The following CSE1L variants were observed in gnomAD, a reference collection of about 807,000 sequenced individuals.
CSE1L encodes chromosome segregation 1 like.
In CSE1L, 24 loss-of-function variants were observed where a neutral mutation model predicts 120.4. The observed-to-expected ratio is 0.20, with a 90% CI of 0.14 to 0.28. The LOEUF (loss-of-function observed/expected upper bound fraction) is 0.28. Ranked by LOEUF, CSE1L falls within the 10% of genes least tolerant of loss-of-function variation. CSE1L has a pLI of 1.00. For synonymous variants in CSE1L, 402 were observed against 398.3 expected (o/e 1.01, Z -0.11); for missense variants, 830 against 1,145.2 (o/e 0.72, Z 3.97).
In CSE1L at chr20:49,075,451, C is replaced by T. The variant is rs373272778; in HGVS notation, c.1266C>T (p.Val422=). 4.3e-6 allele frequency: 7 copies of T among 1,614,070 alleles called. No individual in the cohort carries two copies. Among genetic ancestry groups the T allele is most frequent in the East Asian group, 4.5e-5 (2 of 44,880 alleles). ...MLQEYAKNPS[V]NWKHKDAAIY... is the part of the protein sequence containing the mutation. The stretch of plus-strand genomic sequence containing the variant: ...AGGAATACGCAAAAAATCCATCTGT[C>T]AACTGGAAACACAAAGATGCAGCCA... The change falls in exon 12 of 25, where the codon GTC becomes GTT. Residue 422 remains valine, a synonymous_variant. Coordinates refer to ENST00000262982, the MANE Select transcript of CSE1L (RefSeq NM_001316.4).
At chr20:49,067,928 C>CTT (rs10567768) in intron 6 of CSE1L, among the ~76,000 whole-genome samples, 1,989 of 78,476 alleles carry the variant, frequency 0.025, 36 homozygotes, top group Non-Finnish European at 0.032. Flanking sequence ...TTCCCTCTCT[C>CTT]TTTTTTTTTT....
At chr20:49,073,549 A>G (rs191563857) in intron 10 of CSE1L, among the ~76,000 whole-genome samples, 88 of 152,226 alleles carry the variant, frequency 5.8e-4, no homozygotes, top group African/African-American at 2.0e-3. Flanking sequence ...GCAGTAGCAC[A>G]GTTATGGCTT....
intron 2 of CSE1L, among the ~76,000 whole-genome samples, chr20:49,060,528 C>A (rs1376341531): frequency 6.6e-6 from 1 of 151,402 alleles, no homozygotes; most frequent in Admixed American, 6.6e-5. Flanking sequence ...GTAATCCCAG[C>A]ACTTTGGGAA....
chr20:49,048,730 G>A (rs889092768), intron 1 of CSE1L, among the ~76,000 whole-genome samples: 1 of 152,220 alleles, frequency 6.6e-6, no homozygotes, highest in Non-Finnish European at 1.5e-5. Flanking sequence ...TGTAGGCAAT[G>A]TAAGGAGTTT....
At chr20:49,087,351 C>CTTTTTTTTTTTTTT (rs11483071) in intron 16 of CSE1L, among the ~76,000 whole-genome samples, 3 of 116,294 alleles carry the variant, frequency 2.6e-5, no homozygotes, top group African/African-American at 6.6e-5. Context: ...TTTTCTTTTT[C>CTTTTTTTTTTTTTT]TTTTTTTTTT....
At chr20:49,066,861 T>A (rs915774241) in intron 5 of CSE1L, among the ~76,000 whole-genome samples, 2 of 151,512 alleles carry the variant, frequency 1.3e-5, no homozygotes, top group African/African-American at 4.8e-5. Flanking sequence ...AAACCCCGTC[T>A]CTACTAAAAA....
intron 14 of CSE1L, among the ~76,000 whole-genome samples, chr20:49,083,053 C>G (rs1490500024): frequency 6.7e-6 from 1 of 148,666 alleles, no homozygotes; most frequent in Non-Finnish European, 1.5e-5. Context: ...GAGATGGAGT[C>G]TTGCTCTGTT....
chr20:49,075,607 G>A, intron 12 of CSE1L, 87 bp downstream of exon 12: 3 of 1,012,746 alleles, frequency 3.0e-6, no homozygotes, highest in Non-Finnish European at 4.5e-6. Flanking sequence ...TCTGATAATA[G>A]AGCTTACTCT....
At chr20:49,083,951 C>T in intron 14 of CSE1L, 75 bp from the exon 15 acceptor site, 2 of 1,429,768 alleles carry the variant, frequency 1.4e-6, no homozygotes, top group East Asian at 2.3e-5. Flanking sequence ...ATCAACAGGT[C>T]CTTCTCTTCC....
At chr20:49,066,319 G>A (rs376007852) in intron 4 of CSE1L, 26 bp downstream of exon 4, 2 of 1,613,992 alleles carry the variant, frequency 1.2e-6, no homozygotes, top group East Asian at 4.5e-5. Context: ...TTTTTAGATG[G>A]GCTCCTCTGT....
chr20:49,073,499 T>A (rs2091947055), intron 10 of CSE1L, among the ~76,000 whole-genome samples: 1 of 149,940 alleles, frequency 6.7e-6, no homozygotes, highest in South Asian at 2.1e-4. Context: ...GTGTTTTTTG[T>A]TTTGGGGACA....
chr20:49,057,171 T>C (rs1233611291), intron 1 of CSE1L, among the ~76,000 whole-genome samples: 1 of 152,144 alleles, frequency 6.6e-6, no homozygotes, highest in East Asian at 1.9e-4. Flanking sequence ...ACAAAATTTT[T>C]TTTTTAATTT....
At chr20:49,096,180 A>G (rs1274413044) in intron 24 of CSE1L, 169 bp from the exon 25 acceptor site, 2 of 708,942 alleles carry the variant, frequency 2.8e-6, no homozygotes, top group East Asian at 2.7e-5. Context: ...CTTTAGACCT[A>G]TTTTTGAAGG....
At chr20:49,095,907 AT>A (rs1455749917) in intron 24 of CSE1L, among the ~76,000 whole-genome samples, 1 of 151,986 alleles carries the variant, frequency 6.6e-6, no homozygotes, top group Non-Finnish European at 1.5e-5. Context: ...ATGTATATAT[AT>A]TTTTTCATTG....
At chr20:49,055,441 G>C (rs965992483) in intron 1 of CSE1L, among the ~76,000 whole-genome samples, 1 of 152,170 alleles carries the variant, frequency 6.6e-6, no homozygotes, top group African/African-American at 2.4e-5. Flanking sequence ...ATGGGTCCCG[G>C]TATGGTGGGT....
chr20:49,048,860 C>T (rs984160229), intron 1 of CSE1L, among the ~76,000 whole-genome samples: 1 of 152,184 alleles, frequency 6.6e-6, no homozygotes, highest in Non-Finnish European at 1.5e-5. Context: ...CTCTTTCCCT[C>T]TTCCCAAATG....
At chr20:49,049,684 G>T (rs957447948) in intron 1 of CSE1L, among the ~76,000 whole-genome samples, 1 of 152,120 alleles carries the variant, frequency 6.6e-6, no homozygotes, top group South Asian at 2.1e-4. Context: ...TCAAATTAAG[G>T]ATAAGCTTAG....
chr20:49,054,289 G>T (rs940670752), intron 1 of CSE1L, among the ~76,000 whole-genome samples: 2 of 152,224 alleles, frequency 1.3e-5, no homozygotes, highest in African/African-American at 4.8e-5. Flanking sequence ...TCTTTAGAAG[G>T]TTGGGGTTTC....
Position 49,070,076 on chromosome 20 carries a change from G to C in CSE1L, c.676-129G>C, listed in dbSNP as rs1183344035. 3 of 523,478 alleles carry C rather than the reference G, an allele frequency of 5.7e-6. No homozygotes were observed. The East Asian group carries it at 9.9e-5, about 17-fold the overall frequency. 32.4% of individuals were successfully genotyped at this position (523,478 alleles called of 1,614,324 possible). On this transcript the variant is annotated intron_variant, in intron 7 of 24. Transcript: ENST00000262982. ...GATGTAGCTGGAGCAGAGAATTCTT[G>C]TCAGAATAGGTAATGCTCAGGCTGT...
Sources: allele counts gnomAD v4.1 joint callset (sites outside exome capture counted in the v4.1 genomes callset), GRCh38; gene constraint gnomAD v4.1.1; transcripts MANE v1.5; gene names NCBI Gene and HGNC (gene_info 2026-07-23, HGNC 2026-07-21).